NR3C2: variants seen among roughly 807,000 people sequenced by gnomAD.
NR3C2 encodes nuclear receptor subfamily 3 group C member 2.
NR3C2 carries 15 observed loss-of-function variants against 86.4 expected under a neutral mutation model. The observed-to-expected ratio is 0.17, with a 90% confidence interval of 0.12 to 0.27. The LOEUF (loss-of-function observed/expected upper bound fraction) is 0.27, where lower values mean the gene tolerates loss of function less well. Among genes scored for constraint, NR3C2 ranks in the 10% least tolerant of loss-of-function variants. The pLI, the probability that NR3C2 is intolerant of heterozygous loss-of-function variation, is 1.00. For missense variants in NR3C2, 960 were observed against 1,195.6 expected (o/e 0.80, Z 2.91); for synonymous variants, 458 against 450.5 (o/e 1.02, Z -0.21).
chr4:148,302,754 G>A (rs1448071386), intron 2 of NR3C2, among the ~76,000 whole-genome samples: 1 of 150,878 alleles, frequency 6.6e-6, no homozygotes, highest in Admixed American at 6.6e-5. Context: ...ACTGAGTCAG[G>A]AGAACTGCTT....
In NR3C2 at chr4:148,275,434, CTTT is replaced by C. The variant is rs1183326993; in HGVS notation, c.1758-15320_1758-15318del. On this transcript the variant is annotated intron_variant, in intron 2 of 8. Coordinates refer to ENST00000358102, the MANE Select transcript of NR3C2 (RefSeq NM_000901.5). ...AGTAGATAAGCCAATCTTATCTTAT[CTTT>C]TTTTTTTTTTGAGACAGAGTTTCAC... 6.2e-5 allele frequency among the ~76,000 whole-genome samples: 9 copies of C among 144,906 alleles called. No individual in the cohort carries two copies. In the East Asian group the frequency reaches 1.8e-3, roughly 29 times the overall value.
chr4:148,411,790 A>G (rs1298945685), intron 2 of NR3C2, among the ~76,000 whole-genome samples: 3 of 152,346 alleles, frequency 2.0e-5, no homozygotes, highest in Admixed American at 6.5e-5. Context: ...GGCAAAATTT[A>G]GACTTCAGTG....
chr4:148,329,343 T>TAC (rs35899657), intron 2 of NR3C2, among the ~76,000 whole-genome samples: 148,917 of 152,274 alleles, frequency 0.98, 72,828 homozygotes, highest in East Asian at 1. Flanking sequence ...TGCATATATA[T>TAC]ACACATATAT....
chr4:148,304,471 C>T (rs1453778321), intron 2 of NR3C2, among the ~76,000 whole-genome samples: 1 of 151,724 alleles, frequency 6.6e-6, no homozygotes. Context: ...TCTCTTCTCA[C>T]CTTCAGGACA....
intron 3 of NR3C2, among the ~76,000 whole-genome samples, chr4:148,216,274 A>C (rs897225776): frequency 1.3e-5 from 2 of 152,134 alleles, no homozygotes; most frequent in Non-Finnish European, 2.9e-5. Context: ...TCAGGGGGCC[A>C]GATCTGGTCC....
At chr4:148,378,608 C>T (rs147841002) in intron 2 of NR3C2, among the ~76,000 whole-genome samples, 1,654 of 152,222 alleles carry the variant, frequency 0.011, 14 homozygotes, top group Middle Eastern at 0.027. Flanking sequence ...GGAACCTCCC[C>T]TGTCTCTTTC....
chr4:148,283,313 A>G (rs1163647747), intron 2 of NR3C2, among the ~76,000 whole-genome samples: 1 of 152,218 alleles, frequency 6.6e-6, no homozygotes, highest in Admixed American at 6.5e-5. Context: ...ACATTACAAA[A>G]TTGGTGAGGT....
At chr4:148,436,905 C>G in intron 1 of NR3C2, 43 bp from the exon 2 acceptor site, 1 of 1,434,752 alleles carries the variant, frequency 7.0e-7, no homozygotes, top group Non-Finnish European at 9.5e-7. Flanking sequence ...TCAGTTATAG[C>G]AATATTACTC....
intron 1 of NR3C2, 79 bp from the exon 2 acceptor site, chr4:148,436,941 G>A (rs961107916): frequency 1.7e-6 from 2 of 1,151,976 alleles, no homozygotes; most frequent in African/African-American, 3.1e-5. Context: ...AATTGCATTT[G>A]CTAAGCCACA....
At chr4:148,255,072 GCCCC>G (rs11349017) in intron 3 of NR3C2, among the ~76,000 whole-genome samples, 19 of 151,678 alleles carry the variant, frequency 1.3e-4, no homozygotes, top group African/African-American at 4.6e-4. Flanking sequence ...AATGCTCACT[GCCCC>G]CCCCCAACAC....
At chr4:148,207,872 AG>A (rs1737084577) in intron 3 of NR3C2, 1 of 152,226 alleles carries the variant, frequency 6.6e-6, no homozygotes, top group Non-Finnish European at 1.5e-5. Context: ...TAGGCACACT[AG>A]GAGATTAATA....
At chr4:148,356,340 G>A (rs1029382637) in intron 2 of NR3C2, among the ~76,000 whole-genome samples, 1 of 152,170 alleles carries the variant, frequency 6.6e-6, no homozygotes, top group African/African-American at 2.4e-5. Flanking sequence ...CATTCTGCGT[G>A]TGCCTCTACA....
At chr4:148,402,903 A>G (rs1173033853) in intron 2 of NR3C2, among the ~76,000 whole-genome samples, 1 of 152,106 alleles carries the variant, frequency 6.6e-6, no homozygotes, top group Non-Finnish European at 1.5e-5. Flanking sequence ...TTTATAGAAA[A>G]GTCTTAAAGG....
intron 4 of NR3C2, among the ~76,000 whole-genome samples, chr4:148,191,409 T>G (rs1736189330): frequency 6.6e-6 from 1 of 152,252 alleles, no homozygotes; most frequent in Admixed American, 6.5e-5. Context: ...CTCACAGCTC[T>G]TAAGATTCTT....
intron 2 of NR3C2, among the ~76,000 whole-genome samples, chr4:148,385,745 C>G (rs1212411353): frequency 6.6e-6 from 1 of 152,124 alleles, no homozygotes; most frequent in Non-Finnish European, 1.5e-5. Context: ...CACATACTCC[C>G]CCATGCCACC....
At chr4:148,396,521 T>C (rs964418178) in intron 2 of NR3C2, among the ~76,000 whole-genome samples, 7 of 152,232 alleles carry the variant, frequency 4.6e-5, no homozygotes, top group African/African-American at 1.7e-4. Context: ...AAGCAATAAA[T>C]ATTTATTTTC....
chr4:148,233,033 C>T (rs1358448980), intron 3 of NR3C2, among the ~76,000 whole-genome samples: 2 of 152,164 alleles, frequency 1.3e-5, no homozygotes, highest in African/African-American at 2.4e-5. Context: ...TCTATCCAGA[C>T]CACTAAAACT....
intron 2 of NR3C2, among the ~76,000 whole-genome samples, chr4:148,382,845 G>A (rs1009115938): frequency 6.6e-6 from 1 of 152,108 alleles, no homozygotes; most frequent in Non-Finnish European, 1.5e-5. Context: ...GGAAGAAACA[G>A]GATCTCACGA....
rs1322505130 is a variant in NR3C2 at position 148,435,425 on chromosome 4, C to A, written c.1436G>T (p.Gly479Val). ...LSGILGPPVP[G>V]FDGNCEGSGF... ...GCTGCCTTCACAGTTACCATCAAAG[C>A]CGGGCACAGGTGGTCCTAAAATTCC... is the stretch of plus-strand genomic sequence containing the variant. The change falls in exon 2 of 9, where the codon GGC becomes GTC. Residue 479 changes from glycine to valine, a missense_variant. Coordinates refer to ENST00000358102, the MANE Select transcript of NR3C2 (RefSeq NM_000901.5). The A allele has an allele frequency of 6.2e-7, 1 of 1,614,156 alleles. No homozygotes were observed.
Sources: allele counts gnomAD v4.1 joint callset (sites outside exome capture counted in the v4.1 genomes callset), GRCh38; gene constraint gnomAD v4.1.1; transcripts MANE v1.5; gene names NCBI Gene and HGNC (gene_info 2026-07-23, HGNC 2026-07-21).